The following ARAP2 variants were observed in gnomAD, a reference collection of about 807,000 sequenced individuals.
The protein encoded by ARAP2 is arf-GAP with Rho-GAP domain, ANK repeat and PH domain-containing protein 2.
ARAP2 carries 148 observed loss-of-function variants against 194.5 expected under a neutral mutation model. The observed-to-expected ratio is 0.76, with a 90% CI of 0.67 to 0.87. ARAP2 has a LOEUF of 0.87. Among genes scored for constraint, ARAP2 ranks in the 40% least tolerant of loss-of-function variants. The probability of loss-of-function intolerance (pLI) is 0.00; values close to 1 mark genes in which losing one functional copy is unlikely to be tolerated. For missense variants in ARAP2, 2,128 were observed against 1,989.7 expected (o/e 1.07, Z -1.32); for synonymous variants, 695 against 683.5 (o/e 1.02, Z -0.26).
At chr4:36,108,653 T>C (rs1719057520) in intron 26 of ARAP2, among the ~76,000 whole-genome samples, 1 of 152,014 alleles carries the variant, frequency 6.6e-6, no homozygotes. Context: ...TAATTTTAAA[T>C]GCAGCATATA....
At chr4:36,091,841 C>G (rs1431829858) in intron 28 of ARAP2, 40 bp downstream of exon 28, 1 of 1,542,966 alleles carries the variant, frequency 6.5e-7, no homozygotes, top group Admixed American at 1.8e-5. Flanking sequence ...AATGTTAATA[C>G]CCACACAAAT....
intron 32 of ARAP2, among the ~76,000 whole-genome samples, chr4:36,072,615 A>G (rs1727260723): frequency 6.6e-6 from 1 of 151,100 alleles, no homozygotes; most frequent in East Asian, 1.9e-4. Context: ...GAATTTTAAG[A>G]TACTTGATTA....
intron 8 of ARAP2, among the ~76,000 whole-genome samples, chr4:36,182,807 T>C (rs1211577329): frequency 1.3e-5 from 2 of 152,144 alleles, no homozygotes; most frequent in Non-Finnish European, 2.9e-5. Flanking sequence ...TTTGCTGAGA[T>C]GAGGAAGATT....
At chr4:36,069,101 T>C (rs1411340315) in intron 32 of ARAP2, among the ~76,000 whole-genome samples, 1 of 152,216 alleles carries the variant, frequency 6.6e-6, no homozygotes, top group Non-Finnish European at 1.5e-5. Flanking sequence ...GATCAATAAA[T>C]ATTTTTGAAT....
chr4:36,051,198 T>C lies in ARAP2; in HGVS notation n.369+808A>G, dbSNP rs376223884. On this transcript the variant is annotated intron_variant and non_coding_transcript_variant, in intron 3 of 12. Transcript: ENST00000503225. ...TGGTCAGATAACCTTGAGAACATCA[T>C]TGTTTCAAATGCATAACAATGGGCC... Among the ~76,000 whole-genome samples the C allele has an allele frequency of 1.7e-4, 26 of 152,332 alleles. No homozygotes were observed. In the East Asian group the frequency reaches 1.9e-3, roughly 11 times the overall value.
chr4:36,073,971 G>GA, intron 31 of ARAP2, 148 bp from the exon 32 acceptor site: 2 of 1,015,756 alleles, frequency 2.0e-6, no homozygotes, highest in Non-Finnish European at 2.9e-6. Context: ...TGTTGACTCT[G>GA]GTGGCAGCAT....
chr4:36,077,323 C>T (rs1471926883), intron 31 of ARAP2, among the ~76,000 whole-genome samples: 2 of 152,068 alleles, frequency 1.3e-5, no homozygotes, highest in African/African-American at 4.8e-5. Context: ...CAGACACAAC[C>T]TCCTCAAACT....
At chr4:36,071,960 T>C (rs1195164414) in intron 32 of ARAP2, among the ~76,000 whole-genome samples, 2 of 152,032 alleles carry the variant, frequency 1.3e-5, no homozygotes, top group African/African-American at 4.8e-5. Flanking sequence ...GTTTGGTTTT[T>C]TGTTCTTGAA....
chr4:36,130,072 C>A (rs1725046565), intron 20 of ARAP2, among the ~76,000 whole-genome samples: 1 of 151,902 alleles, frequency 6.6e-6, no homozygotes, highest in African/African-American at 2.4e-5. Flanking sequence ...CACATAGATT[C>A]TTCATCATGA....
intron 25 of ARAP2, among the ~76,000 whole-genome samples, chr4:36,116,291 G>C (rs1721292990): frequency 6.6e-6 from 1 of 151,978 alleles, no homozygotes; most frequent in Non-Finnish European, 1.5e-5. Context: ...TGTTGTGACT[G>C]TTTAATCCTG....
intron 19 of ARAP2, among the ~76,000 whole-genome samples, chr4:36,136,765 A>C (rs1282551956): frequency 6.7e-6 from 1 of 150,100 alleles, no homozygotes; most frequent in African/African-American, 2.5e-5. Context: ...ACCACAAACC[A>C]GTCTAAGAAT....
At chr4:36,177,099 C>A (rs1472613521) in intron 9 of ARAP2, among the ~76,000 whole-genome samples, 1 of 150,910 alleles carries the variant, frequency 6.6e-6, no homozygotes, top group Non-Finnish European at 1.5e-5. Context: ...ATATTAAAAA[C>A]AAGGAATTTT....
At chr4:36,211,109 G>A (rs954266113) in intron 5 of ARAP2, among the ~76,000 whole-genome samples, 2 of 152,018 alleles carry the variant, frequency 1.3e-5, no homozygotes, top group African/African-American at 4.8e-5. Context: ...TGGGCAACAT[G>A]ACGGACCATT....
intron 22 of ARAP2, among the ~76,000 whole-genome samples, chr4:36,123,440 C>A (rs568160808): frequency 1.3e-5 from 2 of 151,874 alleles, no homozygotes; most frequent in Non-Finnish European, 2.9e-5. Flanking sequence ...GCAGTATCAT[C>A]CCCTTTGGTA....
intron 19 of ARAP2, among the ~76,000 whole-genome samples, chr4:36,143,252 A>G (rs1728786712): frequency 6.6e-6 from 1 of 151,480 alleles, no homozygotes; most frequent in African/African-American, 2.4e-5. Flanking sequence ...TCTCTACTCC[A>G]TTTTCAATTA....
At chr4:36,091,660 G>GC (rs1397194195) in intron 28 of ARAP2, among the ~76,000 whole-genome samples, 1 of 151,850 alleles carries the variant, frequency 6.6e-6, no homozygotes, top group East Asian at 1.9e-4. Context: ...GTCATTTACT[G>GC]CCCCTCAAAA....
intron 6 of ARAP2, among the ~76,000 whole-genome samples, chr4:36,198,248 G>T (rs1158437680): frequency 1.3e-5 from 2 of 152,200 alleles, no homozygotes; most frequent in East Asian, 3.9e-4. Context: ...CCTGCAGCTG[G>T]TCGTCCTGAT....
chr4:36,241,075 G>T (rs2109384446), intron 1 of ARAP2, among the ~76,000 whole-genome samples: 1 of 152,258 alleles, frequency 6.6e-6, no homozygotes, highest in South Asian at 2.1e-4. Flanking sequence ...AATGTAGAGA[G>T]ATCCCTAAGG....
intron 20 of ARAP2, among the ~76,000 whole-genome samples, chr4:36,131,986 T>A (rs1446736276): frequency 6.6e-6 from 1 of 151,694 alleles, no homozygotes; most frequent in Admixed American, 6.6e-5. Context: ...AACAAAAACA[T>A]AATGAATCTG....
Sources: gnomAD v4.1 joint callset for allele counts (sites outside exome capture counted in the v4.1 genomes callset) on GRCh38, gnomAD v4.1.1 for gene constraint, MANE v1.5 for transcripts, NCBI Gene and HGNC (gene_info 2026-07-23, HGNC 2026-07-21) for gene names.